The following BMPR2 variants were observed in gnomAD, a reference collection of about 807,000 sequenced individuals.
BMPR2 encodes the protein bone morphogenetic protein receptor type-2.
BMPR2 carries 29 observed loss-of-function variants against 100.8 expected under a neutral mutation model. That is an observed-to-expected ratio of 0.29 (90% CI 0.21 to 0.39). BMPR2 has a LOEUF of 0.39. BMPR2 is among the 10% of genes least tolerant of loss of function. The probability of loss-of-function intolerance (pLI) is 1.00; values close to 1 mark genes in which losing one functional copy is unlikely to be tolerated. For synonymous variants in BMPR2, 382 were observed against 442.3 expected, an observed-to-expected ratio of 0.86 and a Z score of 1.71; for missense variants, 1,011 against 1,274.5, an observed-to-expected ratio of 0.79 and a Z score of 3.15.
chr2:202,456,063 C>CAAAAAAAAAA (rs750470872), intron 1 of BMPR2, among the ~76,000 whole-genome samples: 1 of 36,754 alleles, frequency 2.7e-5, no homozygotes. Flanking sequence ...AGACCCGTCT[C>CAAAAAAAAAA]AAAAAAAAAA....
intron 1 of BMPR2, among the ~76,000 whole-genome samples, chr2:202,383,429 C>G (rs956100105): frequency 8.5e-5 from 13 of 152,172 alleles, no homozygotes; most frequent in African/African-American, 3.1e-4. Flanking sequence ...GCTTGTAATC[C>G]CAGCACTTTG....
At chr2:202,404,192 T>C (rs1368092691) in intron 1 of BMPR2, among the ~76,000 whole-genome samples, 2 of 146,258 alleles carry the variant, frequency 1.4e-5, no homozygotes, top group African/African-American at 2.5e-5. Flanking sequence ...TTTCTTTGGG[T>C]TGTTTTTTTT....
intron 1 of BMPR2, among the ~76,000 whole-genome samples, chr2:202,389,833 T>G (rs1165903464): frequency 1.3e-5 from 2 of 151,672 alleles, no homozygotes; most frequent in African/African-American, 4.8e-5. Flanking sequence ...TAGAGATGGG[T>G]TTTTCCATGT....
At chr2:202,510,591 TTGTG>T (rs758116435) in intron 3 of BMPR2, among the ~76,000 whole-genome samples, 1 of 152,154 alleles carries the variant, frequency 6.6e-6, no homozygotes, top group African/African-American at 2.4e-5. Context: ...TTATTTAGTT[TTGTG>T]TGTGTGTATG....
At chr2:202,462,626 G>T (rs558466913) in intron 1 of BMPR2, among the ~76,000 whole-genome samples, 10 of 150,592 alleles carry the variant, frequency 6.6e-5, no homozygotes, top group African/African-American at 2.4e-4. Context: ...AAACCACCCC[G>T]TACCTTTTTT....
intron 7 of BMPR2, among the ~76,000 whole-genome samples, chr2:202,521,695 G>A (rs1248582129): frequency 6.6e-6 from 1 of 152,164 alleles, no homozygotes; most frequent in Non-Finnish European, 1.5e-5. Flanking sequence ...GTGAGAAAAT[G>A]CCTGTGGGGA....
intron 1 of BMPR2, among the ~76,000 whole-genome samples, chr2:202,456,164 G>A (rs74720868): frequency 7.6e-6 from 1 of 131,404 alleles, no homozygotes; most frequent in Non-Finnish European, 1.6e-5. Flanking sequence ...ATGTTTTTTT[G>A]TTTGTTTGTT....
intron 9 of BMPR2, among the ~76,000 whole-genome samples, chr2:202,541,912 G>A (rs1332101813): frequency 2.0e-5 from 3 of 152,092 alleles, no homozygotes; most frequent in Non-Finnish European, 4.4e-5. Flanking sequence ...AGGAGTTCAA[G>A]ACCAGCCTGG....
rs1330967538 is a variant in BMPR2 at position 202,495,629 on chromosome 2, T to G, written c.419-18090T>G. 1.3e-5 allele frequency among the ~76,000 whole-genome samples: 2 copies of G among 152,134 alleles called. No homozygotes were observed. Among genetic ancestry groups the G allele is most frequent in the Non-Finnish European group, 2.9e-5 (2 of 68,036 alleles). ...AGTGCCTGTCCTCACCTAGGTCTGT[T>G]GGGGTGGAGCCCTAGTCAGGGACGC... On this transcript the variant is annotated intron_variant, in intron 3 of 12. Coordinates refer to ENST00000374580, the MANE Select transcript of BMPR2 (RefSeq NM_001204.7). This position sits in a 1 kb window ranked among gnomAD's most constrained non-coding sequence, Gnocchi z 4.5.
intron 1 of BMPR2, among the ~76,000 whole-genome samples, chr2:202,420,225 T>G (rs1691229444): frequency 6.6e-6 from 1 of 152,000 alleles, no homozygotes; most frequent in African/African-American, 2.4e-5. Flanking sequence ...TACAAAAGAC[T>G]CTTGACCATC....
In BMPR2 at chr2:202,552,852, C is replaced by T. The variant is rs1422715350; in HGVS notation, c.1550C>T (p.Thr517Ile). The change falls in exon 11 of 13, where the codon ACA (threonine) becomes ATA (isoleucine). Residue 517 changes from threonine to isoleucine, a missense_variant. Thr to Ile is a moderately conservative substitution (Grantham distance 89, BLOSUM62 -1). Around this residue, in one of 6 missense-constraint regions of BMPR2, gnomAD observed 508 missense variants for 552.0 expected, o/e 0.92. Transcript: ENST00000374580. ...GAAAGAAACAAATCTGTGAGCCCAA[C>T]AGTCAATCCAATGTCTACTGCTATG... ...IWERNKSVSP[T>I]VNPMSTAMQN... 6.2e-7 allele frequency: 1 copy of T among 1,614,212 alleles called. No individual in the cohort carries two copies. The highest frequency in any genetic ancestry group is 1.1e-5 in the South Asian group (1 of 91,084).
rs981756684 is a variant in BMPR2, at chr2:202,377,367, G to A, written c.-108G>A. 9.7e-7 allele frequency: 1 copy of A among 1,030,438 alleles called. No individual in the cohort carries two copies. The highest frequency in any genetic ancestry group is 1.6e-5 in the African/African-American group (1 of 63,510). The allele number at this position is 1,030,438 out of a possible 1,614,324, so 63.8% of individuals were successfully genotyped here. A position where few individuals can be genotyped will look rare whatever the true frequency, so the allele number is the denominator to read the frequency against. ...GTCCTTTCAAACTGTATTGTGATACGGGCAGGATCAGTCCACGGGAGAGAA... is the reference window on the plus strand; with the variant it reads ...GTCCTTTCAAACTGTATTGTGATACAGGCAGGATCAGTCCACGGGAGAGAA... On this transcript the variant is annotated 5_prime_UTR_variant, in exon 1 of 13. Coordinates refer to ENST00000374580, the MANE Select transcript of BMPR2 (RefSeq NM_001204.7).
intron 1 of BMPR2, among the ~76,000 whole-genome samples, chr2:202,427,011 G>A (rs1691399118): frequency 6.6e-6 from 1 of 152,322 alleles, no homozygotes; most frequent in Admixed American, 6.5e-5. Flanking sequence ...AGACTAGGAT[G>A]GTGCATTGGA....
intron 1 of BMPR2, among the ~76,000 whole-genome samples, chr2:202,392,114 A>ATGGG (rs1690562979): frequency 7.0e-6 from 1 of 142,946 alleles, no homozygotes; most frequent in Non-Finnish European, 1.5e-5. Context: ...CTCGTCCCCC[A>ATGGG]GGCTTGAGTA....
intron 3 of BMPR2, among the ~76,000 whole-genome samples, chr2:202,468,219 G>A (rs572371921): frequency 6.6e-6 from 1 of 152,204 alleles, no homozygotes; most frequent in East Asian, 1.9e-4. Context: ...GCTCATGCCT[G>A]TAATTTCAGC....
At chr2:202,477,933 C>T (rs564763756) in intron 3 of BMPR2, among the ~76,000 whole-genome samples, 4 of 152,248 alleles carry the variant, frequency 2.6e-5, no homozygotes, top group South Asian at 2.1e-4. Flanking sequence ...TCCTGAATTC[C>T]GTTTTGCCCC....
In BMPR2 at chr2:202,522,981, G is replaced by A. The variant is rs376639299; in HGVS notation, c.967+2780G>A. On this transcript the variant is annotated intron_variant, in intron 7 of 12. Coordinates refer to ENST00000374580, the MANE Select transcript of BMPR2 (RefSeq NM_001204.7). ...GAGAGAAAATATTTGCAAACTTCAC[G>A]TCCAACAAAGGTCTAATATCCAGAA... Among the ~76,000 whole-genome samples, 75 of 152,106 alleles carry A rather than the reference G, an allele frequency of 4.9e-4. No homozygotes were observed. The South Asian group carries it at 0.011, about 22-fold the overall frequency.
At chr2:202,466,290 TTA>T (rs1692319761) in intron 2 of BMPR2, among the ~76,000 whole-genome samples, 1 of 152,110 alleles carries the variant, frequency 6.6e-6, no homozygotes, top group Non-Finnish European at 1.5e-5. Context: ...TTTTCTTTTT[TTA>T]TTTTTATTTT....
intron 9 of BMPR2, among the ~76,000 whole-genome samples, chr2:202,534,423 T>C (rs1688087987): frequency 6.6e-6 from 1 of 151,810 alleles, no homozygotes; most frequent in Non-Finnish European, 1.5e-5. Context: ...GCAGTGTTTG[T>C]GTCCCTGGGT....
Sources: gnomAD v4.1 joint callset for allele counts (sites outside exome capture counted in the v4.1 genomes callset) on GRCh38, gnomAD v4.1.1 for gene constraint, gnomAD v4.1.1 regional missense constraint, Gnocchi (gnomAD v3.1) non-coding constraint, MANE v1.5 for transcripts, NCBI Gene and HGNC (gene_info 2026-07-23, HGNC 2026-07-21) for gene names.